The following EFCAB5 variants were observed in gnomAD, a reference collection of about 807,000 sequenced individuals.
EFCAB5 encodes EF-hand calcium binding domain 5, also known as EF-hand calcium-binding domain-containing protein 5.
EFCAB5 carries 131 observed loss-of-function variants against 167.9 expected under a neutral mutation model. The observed-to-expected ratio is 0.78, with a 90% CI of 0.68 to 0.90. EFCAB5 has a LOEUF of 0.90. Among genes scored for constraint, EFCAB5 ranks in the 40% least tolerant of loss-of-function variants. The pLI, the probability that EFCAB5 is intolerant of heterozygous loss-of-function variation, is 0.00. For missense variants in EFCAB5, 1,663 were observed against 1,745.2 expected, an observed-to-expected ratio of 0.95 and a Z score of 0.84; for synonymous variants, 574 against 602.8, an observed-to-expected ratio of 0.95 and a Z score of 0.70.
chr17:29,986,010 A>G (rs1490204301), intron 4 of EFCAB5, among the ~76,000 whole-genome samples: 1 of 152,228 alleles, frequency 6.6e-6, no homozygotes, highest in African/African-American at 2.4e-5. Context: ...AACAATACAG[A>G]TTAAAAGCAC....
intron 3 of EFCAB5, among the ~76,000 whole-genome samples, chr17:29,957,138 T>A (rs762652742): frequency 4.1e-4 from 63 of 152,100 alleles, no homozygotes; most frequent in Admixed American, 7.9e-4. Flanking sequence ...ATACCCAGTG[T>A]TTTGAGGGAT....
intron 5 of EFCAB5, among the ~76,000 whole-genome samples, chr17:29,994,033 G>A (rs908989910): frequency 6.7e-6 from 1 of 150,182 alleles, no homozygotes; most frequent in African/African-American, 2.5e-5. Context: ...GAGTCCAGGA[G>A]GTCGAAGCTG....
At chr17:30,083,514 G>A (rs532269113) in intron 18 of EFCAB5, among the ~76,000 whole-genome samples, 1 of 152,344 alleles carries the variant, frequency 6.6e-6, no homozygotes, top group Admixed American at 6.5e-5. Flanking sequence ...GAGTGCAATA[G>A]CGCAATCTCA....
chr17:29,943,486 C>A, intron 2 of EFCAB5, 79 bp from the exon 3 acceptor site: 1 of 1,267,638 alleles, frequency 7.9e-7, no homozygotes, highest in Non-Finnish European at 1.1e-6. Flanking sequence ...ATTAACTTTC[C>A]TTTAATTGGA....
chr17:30,092,736 T>A (rs1478721724), intron 21 of EFCAB5, 104 bp from the exon 22 acceptor site: 6 of 738,694 alleles, frequency 8.1e-6, no homozygotes, highest in African/African-American at 1.8e-5. Context: ...TGGTTTTGCC[T>A]ATTTTAAAAT....
At chr17:30,067,679 A>G (rs999586942) in intron 14 of EFCAB5, among the ~76,000 whole-genome samples, 2 of 152,214 alleles carry the variant, frequency 1.3e-5, no homozygotes, top group Non-Finnish European at 2.9e-5. Flanking sequence ...TTTAGAAGGA[A>G]AATACCTCAA....
chr17:30,060,777 A>AT (rs2070404198), intron 14 of EFCAB5, among the ~76,000 whole-genome samples: 1 of 152,218 alleles, frequency 6.6e-6, no homozygotes, highest in Non-Finnish European at 1.5e-5. Context: ...TAATGATGTG[A>AT]TTTTCACTTA....
intron 22 of EFCAB5, among the ~76,000 whole-genome samples, chr17:30,104,552 A>C (rs77578887): frequency 3.3e-4 from 10 of 29,856 alleles, no homozygotes; most frequent in Non-Finnish European, 4.0e-4. Flanking sequence ...AAAGCAAAGC[A>C]AAAAAAAAAA....
chr17:30,106,899 C>G (rs2151864206), intron 22 of EFCAB5, among the ~76,000 whole-genome samples: 1 of 152,308 alleles, frequency 6.6e-6, no homozygotes, highest in South Asian at 2.1e-4. Context: ...CATGATCGTG[C>G]CACTGCACTC....
intron 8 of EFCAB5, among the ~76,000 whole-genome samples, chr17:30,038,044 G>T (rs1025020887): frequency 6.6e-6 from 1 of 152,182 alleles, no homozygotes; most frequent in Non-Finnish European, 1.5e-5. Flanking sequence ...CCAAGAGGTG[G>T]CTGAAAGCTG....
intron 7 of EFCAB5, among the ~76,000 whole-genome samples, chr17:30,017,048 G>T (rs868075036): frequency 6.6e-6 from 1 of 151,842 alleles, no homozygotes; most frequent in Non-Finnish European, 1.5e-5. Context: ...ACAATGGCAC[G>T]CACCTTTAGT....
rs1305155240 is a variant in EFCAB5, at chr17:30,070,887, T to C, written c.2738-7328T>C. On this transcript the variant is annotated intron_variant, in intron 14 of 22. Transcript: ENST00000394835. ...ATTGCTTAAACCCAGGAGGCAGAGG[T>C]TGCAATGAGCCGAGATTGCGCCACT... Among the ~76,000 whole-genome samples, 2 of 135,424 alleles carry C rather than the reference T, an allele frequency of 1.5e-5. 1 individual carries two copies. The highest frequency in any genetic ancestry group is 5.8e-5 in the African/African-American group (2 of 34,262). The allele number at this position is 135,424 out of a possible 152,430, so 88.8% of individuals were successfully genotyped here. A position where few individuals can be genotyped will look rare whatever the true frequency, so the allele number is the denominator to read the frequency against.
chr17:30,082,860 A>T (rs773630110), intron 17 of EFCAB5, 31 bp from the exon 18 acceptor site: 6 of 1,584,790 alleles, frequency 3.8e-6, no homozygotes, highest in Admixed American at 1.8e-5. Context: ...TTTTAAAAAG[A>T]ATAGGCTATT....
chr17:30,099,929 C>G (rs1016623623), intron 22 of EFCAB5, among the ~76,000 whole-genome samples: 1 of 152,050 alleles, frequency 6.6e-6, no homozygotes, highest in African/African-American at 2.4e-5. Flanking sequence ...TGGCCCTGCC[C>G]TCTTTTTTCT....
chr17:29,982,001 T>C lies in EFCAB5; in HGVS notation c.768-11164T>C, dbSNP rs1373809486. ...TAAATTATATCAGCATCCTCATTTA[T>C]GTAGTAAGATATAAATTGAATAAGC... On this transcript the variant is annotated intron_variant, in intron 4 of 22. Coordinates refer to ENST00000394835, the MANE Select transcript of EFCAB5 (RefSeq NM_198529.4). Among the ~76,000 whole-genome samples, 7 of 152,220 alleles carry C rather than the reference T, an allele frequency of 4.6e-5. No homozygotes were observed. The East Asian group carries it at 1.3e-3, about 29-fold the overall frequency.
At chr17:29,970,958 C>T (rs2067941825) in intron 4 of EFCAB5, among the ~76,000 whole-genome samples, 1 of 151,772 alleles carries the variant, frequency 6.6e-6, no homozygotes, top group Admixed American at 6.6e-5. Flanking sequence ...GCCTGTAATC[C>T]CCGCTACTTG....
rs553937032 is a variant in EFCAB5 at position 30,059,816 on chromosome 17, A to G, written c.2737+115A>G. ...TGCTAAAACCACTAGATAACCCTTC[A>G]TGTCTACCAGTATAGATATACATTT... On this transcript the variant is annotated intron_variant, in intron 14 of 22. Transcript: ENST00000394835. 31 of 748,944 alleles carry G rather than the reference A, an allele frequency of 4.1e-5. No homozygotes were observed. In the South Asian group the frequency reaches 1.0e-3, roughly 25 times the overall value. 46.4% of individuals were successfully genotyped at this position (748,944 alleles called of 1,614,324 possible).
chr17:30,042,008 C>T (rs1272587081), intron 8 of EFCAB5, among the ~76,000 whole-genome samples: 1 of 151,796 alleles, frequency 6.6e-6, no homozygotes, highest in Non-Finnish European at 1.5e-5. Flanking sequence ...ATAGTATAAA[C>T]ATAACTTTTT....
In EFCAB5 at chr17:30,051,144, A is replaced by G. The variant is rs1193958609; in HGVS notation, c.1227A>G (p.Thr409=). ...GKVGFLDRQR[T]LALLELFYDH... ...TAGGGTTTTTGGATCGGCAGAGGACATTGGCCCTGCTGGAATTGTTCTATG... is the reference window on the plus strand; with the variant it reads ...TAGGGTTTTTGGATCGGCAGAGGACGTTGGCCCTGCTGGAATTGTTCTATG... The change falls in exon 9 of 23, where the codon ACA becomes ACG. Residue 409 remains threonine (T), a synonymous_variant. Transcript: ENST00000394835. 6.2e-7 allele frequency: 1 copy of G among 1,614,004 alleles called. No individual in the cohort carries two copies. Among genetic ancestry groups the G allele is most frequent in the South Asian group, 1.1e-5 (1 of 91,084 alleles).
Sources: allele counts gnomAD v4.1 joint callset (sites outside exome capture counted in the v4.1 genomes callset), GRCh38; gene constraint gnomAD v4.1.1; transcripts MANE v1.5; gene names NCBI Gene and HGNC (gene_info 2026-07-23, HGNC 2026-07-21).